The following ATAD2B variants were observed in gnomAD, a reference collection of about 807,000 sequenced individuals.
ATAD2B encodes the protein ATPase family AAA domain containing 2B, also known as ATPase family AAA domain-containing protein 2B.
ATAD2B carries 40 observed loss-of-function variants against 167.6 expected under a neutral mutation model. The observed-to-expected ratio is 0.24, with a 90% CI of 0.19 to 0.31. The LOEUF (loss-of-function observed/expected upper bound fraction) is 0.31. Among genes scored for constraint, ATAD2B ranks in the 10% least tolerant of loss-of-function variants. The pLI, the probability that ATAD2B is intolerant of heterozygous loss-of-function variation, is 1.00. For synonymous variants in ATAD2B, 579 were observed against 596.5 expected (o/e 0.97, Z 0.43); for missense variants, 1,242 against 1,757.2 (o/e 0.71, Z 5.24).
chr2:23,805,832 T>C (rs1233425046), intron 18 of ATAD2B, among the ~76,000 whole-genome samples: 1 of 150,270 alleles, frequency 6.7e-6, no homozygotes, highest in Non-Finnish European at 1.5e-5. Context: ...TTATTTTCAC[T>C]TAAGTGAAGC....
chr2:23,837,891 G>A (rs1011132605), intron 13 of ATAD2B, among the ~76,000 whole-genome samples: 1 of 152,120 alleles, frequency 6.6e-6, no homozygotes, highest in East Asian at 1.9e-4. Flanking sequence ...TTTTTAAAAA[G>A]TATGACTTAA....
At chr2:23,878,026 A>AAAAAAAAAAAAAAAAGC (rs1553440562) in intron 7 of ATAD2B, among the ~76,000 whole-genome samples, 1 of 129,232 alleles carries the variant, frequency 7.7e-6, no homozygotes, top group Non-Finnish European at 1.7e-5. Flanking sequence ...AAAAAAAAAA[A>AAAAAAAAAAAAAAAAGC]AAAAAAAAAA....
At chr2:23,807,913 AATATATAAATATATTTATAAT>A (rs1406695679) in intron 18 of ATAD2B, among the ~76,000 whole-genome samples, 16 of 132,420 alleles carry the variant, frequency 1.2e-4, no homozygotes, top group African/African-American at 4.2e-4. Flanking sequence ...TATAAATATA[AATATATAAATATATTTATAAT>A]ATATATAAAT....
At chr2:23,734,863 C>T in the ATAD2B span, among the ~76,000 whole-genome samples, 1 of 152,128 alleles carries the variant, frequency 6.6e-6, no homozygotes, top group Non-Finnish European at 1.5e-5. Context: ...TGTATTTAAC[C>T]AAATTTATTC....
chr2:23,699,854 G>A, the ATAD2B span, among the ~76,000 whole-genome samples: 1 of 152,078 alleles, frequency 6.6e-6, no homozygotes, highest in Non-Finnish European at 1.5e-5. Flanking sequence ...CTACTCTCAT[G>A]AGCAGTTATT....
intron 13 of ATAD2B, among the ~76,000 whole-genome samples, chr2:23,835,666 T>C (rs1250116214): frequency 2.6e-5 from 4 of 152,198 alleles, no homozygotes; most frequent in East Asian, 1.9e-4. Flanking sequence ...CTGGGCACAG[T>C]GGCTCACACC....
At chr2:23,701,862 G>A in the ATAD2B span, among the ~76,000 whole-genome samples, 3 of 134,996 alleles carry the variant, frequency 2.2e-5, no homozygotes, top group Non-Finnish European at 4.6e-5. Context: ...GTGCAATGGC[G>A]CGATCTTGGC....
At chr2:23,848,196 A>C (rs972334411) in intron 13 of ATAD2B, among the ~76,000 whole-genome samples, 1 of 152,212 alleles carries the variant, frequency 6.6e-6, no homozygotes. Context: ...AAAAGTTTTT[A>C]AAGTTTTAAA....
chr2:23,850,506 C>G (rs369246090), intron 13 of ATAD2B, among the ~76,000 whole-genome samples: 1 of 152,120 alleles, frequency 6.6e-6, no homozygotes, highest in Non-Finnish European at 1.5e-5. Context: ...ACAGAAAAGA[C>G]TTGGGAGACC....
At chr2:23,875,613 T>C (rs1467842877) in intron 8 of ATAD2B, among the ~76,000 whole-genome samples, 5 of 152,080 alleles carry the variant, frequency 3.3e-5, no homozygotes, top group South Asian at 2.1e-4. Context: ...GAAAGCAATA[T>C]GGGTCACCTT....
chr2:23,730,665 C>CAAAAAAAAAAAAA, the ATAD2B span, among the ~76,000 whole-genome samples: 1 of 31,980 alleles, frequency 3.1e-5, no homozygotes, highest in African/African-American at 1.1e-4. Context: ...GACTCCGTTT[C>CAAAAAAAAAAAAA]AAAAAAAAAA....
At chr2:23,912,960 C>T (rs1490092691) in intron 1 of ATAD2B, among the ~76,000 whole-genome samples, 2 of 152,138 alleles carry the variant, frequency 1.3e-5, no homozygotes, top group Non-Finnish European at 2.9e-5. Context: ...GGAGCCACTG[C>T]ACTCTAGCCT....
chr2:23,897,548 T>C (rs1236401630), intron 1 of ATAD2B, among the ~76,000 whole-genome samples: 1 of 152,148 alleles, frequency 6.6e-6, no homozygotes. Flanking sequence ...GCTTAACCTG[T>C]CCCCCCAAAT....
intron 13 of ATAD2B, among the ~76,000 whole-genome samples, chr2:23,854,700 C>T (rs541759940): frequency 6.7e-6 from 1 of 149,230 alleles, no homozygotes; most frequent in East Asian, 2.0e-4. Flanking sequence ...AAAAAGCTAA[C>T]GCTATTAATA....
chr2:23,774,736 C>T (rs1028788702), intron 22 of ATAD2B, among the ~76,000 whole-genome samples: 31 of 152,022 alleles, frequency 2.0e-4, no homozygotes, highest in Admixed American at 3.3e-4. Flanking sequence ...CCCGTCTCTA[C>T]TAAAAATACA....
chr2:23,907,592 T>C (rs1338574132), intron 1 of ATAD2B, among the ~76,000 whole-genome samples: 2 of 152,218 alleles, frequency 1.3e-5, no homozygotes, highest in African/African-American at 2.4e-5. Context: ...TACCAATGAC[T>C]TTCTTCACAG....
At chr2:23,732,950 G>C in the ATAD2B span, among the ~76,000 whole-genome samples, 1 of 152,154 alleles carries the variant, frequency 6.6e-6, no homozygotes, top group African/African-American at 2.4e-5. Flanking sequence ...ATCTCTCTGT[G>C]ACTAGCTCTC....
chr2:23,699,394 C>T, the ATAD2B span, among the ~76,000 whole-genome samples: 12 of 152,302 alleles, frequency 7.9e-5, no homozygotes, highest in African/African-American at 2.9e-4. Flanking sequence ...AGATGTGTCC[C>T]CTGCTGGGAG....
At chr2:23,836,163 G>T (rs1689924753) in intron 13 of ATAD2B, among the ~76,000 whole-genome samples, 1 of 152,166 alleles carries the variant, frequency 6.6e-6, no homozygotes, top group African/African-American at 2.4e-5. Context: ...AGGGGTGTTT[G>T]AGAGAGCAAG....
Sources: allele counts gnomAD v4.1 joint callset (sites outside exome capture counted in the v4.1 genomes callset), GRCh38; gene constraint gnomAD v4.1.1; transcripts MANE v1.5; gene names NCBI Gene and HGNC (gene_info 2026-07-23, HGNC 2026-07-21).